The following RAB40C variants were observed in gnomAD, a reference collection of about 807,000 sequenced individuals.
RAB40C encodes the protein ras-related protein Rab-40C.
Under a neutral mutation model 28.1 loss-of-function variants are expected in RAB40C, and 8 were observed. The observed-to-expected ratio is 0.28, with a 90% confidence interval of 0.17 to 0.51. RAB40C has a LOEUF of 0.51. RAB40C is among the 20% of genes least tolerant of loss of function. RAB40C has a pLI of 0.97. For missense variants in RAB40C, 288 were observed against 405.9 expected, an observed-to-expected ratio of 0.71 and a Z score of 2.50; for synonymous variants, 201 against 171.7, an observed-to-expected ratio of 1.17 and a Z score of -1.34.
rs1460058730 is a variant in RAB40C, at chr16:610,301, T to C, written c.143-6907T>C. On this transcript the variant is annotated intron_variant, in intron 1 of 5. Transcript: ENST00000248139. The surrounding 1 kb of genome is among the most constrained non-coding windows in gnomAD (Gnocchi z 4.6). The stretch of plus-strand genomic sequence containing the variant: ...TGTGTCTCATGGGGTTGTGTTCAGG[T>C]CGGCTGAGAGGCAGCGCCTGGCTGG... Among the ~76,000 whole-genome samples, 1 of 152,010 alleles carries C rather than the reference T, an allele frequency of 6.6e-6. No individual in the cohort carries two copies. Among genetic ancestry groups the C allele is most frequent in the Non-Finnish European group, 1.5e-5 (1 of 67,988 alleles).
At chr16:624,098 G>A (rs756634744) in intron 3 of RAB40C, 8 of 985,368 alleles carry the variant, frequency 8.1e-6, no homozygotes, top group Non-Finnish European at 8.4e-6. Flanking sequence ...GTCCCCTGAG[G>A]CTGGACATTT....
At chr16:591,235 G>A (rs2035989537) in intron 1 of RAB40C, among the ~76,000 whole-genome samples, 1 of 150,680 alleles carries the variant, frequency 6.6e-6, no homozygotes, top group African/African-American at 2.5e-5. Flanking sequence ...AGGTGTCATG[G>A]GTCTAGGATC....
In RAB40C at chr16:628,583, C is replaced by G. The variant is rs1166557954; in HGVS notation, c.*961C>G. On this transcript the variant is annotated 3_prime_UTR_variant, in exon 6 of 6. Transcript: ENST00000248139. ...GGGACGTGCCTGGAACCACCTCGTC[C>G]ACGTCCACGTCCACCTGGGGGCCTC... The G allele has an allele frequency of 6.6e-6, 1 of 152,362 alleles. No individual in the cohort carries two copies. Among genetic ancestry groups the G allele is most frequent in the South Asian group, 2.1e-4 (1 of 4,832 alleles). 9.4% of individuals were successfully genotyped at this position (152,362 alleles called of 1,614,324 possible). A position where few individuals can be genotyped will look rare whatever the true frequency, so the allele number is the denominator to read the frequency against.
chr16:593,906 C>T (rs1445911323), intron 1 of RAB40C, among the ~76,000 whole-genome samples: 1 of 152,170 alleles, frequency 6.6e-6, no homozygotes, highest in African/African-American at 2.4e-5. Context: ...GGCGAGTTAC[C>T]CGGCAGGAAT....
At chr16:599,353 G>A (rs1017698256) in intron 1 of RAB40C, among the ~76,000 whole-genome samples, 3 of 152,354 alleles carry the variant, frequency 2.0e-5, no homozygotes, top group Admixed American at 6.5e-5. Flanking sequence ...GTGGCTGCCC[G>A]CAGAGTCTTG....
At chr16:623,476 T>C (rs557227683) in intron 3 of RAB40C, among the ~76,000 whole-genome samples, 44 of 151,708 alleles carry the variant, frequency 2.9e-4, no homozygotes, top group South Asian at 6.3e-4. Context: ...GGTGAAACCC[T>C]GTCTCTACTA....
chr16:622,840 GA>G (rs986544957), intron 3 of RAB40C, among the ~76,000 whole-genome samples: 3 of 152,304 alleles, frequency 2.0e-5, no homozygotes, highest in African/African-American at 4.8e-5. Context: ...ATCAGTTTTA[GA>G]AAACAGAAGG....
chr16:590,383 TG>T lies in RAB40C; in HGVS notation c.94del (p.Glu32ArgfsTer32). On this transcript the variant is annotated frameshift_variant, in exon 1 of 6. Transcript: ENST00000248139. LOFTEE classifies it high-confidence loss of function. ...AGCGACGTGGGCAAGGGCGAGATCC[TG>T]GAGAGCCTGCAGGACGGCGCGGCAG... The part of the protein sequence containing the change: ...GDSDVGKGEI[L>X]ESLQDGAAES... The T allele has an allele frequency of 1.3e-6, 2 of 1,596,472 alleles. No homozygotes were observed. Among genetic ancestry groups the T allele is most frequent in the East Asian group, 2.3e-5 (1 of 43,070 alleles).
intron 3 of RAB40C, among the ~76,000 whole-genome samples, 174 bp downstream of exon 3, chr16:618,434 G>A (rs995136130): frequency 6.6e-6 from 1 of 152,252 alleles, no homozygotes; most frequent in African/African-American, 2.4e-5. Flanking sequence ...CTGTCACCCA[G>A]GCTGGAGTAC....
At chr16:605,417 G>A (rs74953164) in intron 1 of RAB40C, among the ~76,000 whole-genome samples, 2,305 of 152,268 alleles carry the variant, frequency 0.015, 66 homozygotes, top group African/African-American at 0.052. Flanking sequence ...CAGTGAGTGC[G>A]GACAGGCATG....
At chr16:625,269 T>C (rs1277864813) in intron 3 of RAB40C, 163 bp from the exon 4 acceptor site, 2 of 1,452,644 alleles carry the variant, frequency 1.4e-6, no homozygotes, top group Non-Finnish European at 1.8e-6. Flanking sequence ...GGGGCAGGGC[T>C]GCACCAGCTC....
At chr16:619,785 G>A (rs1023708798) in intron 3 of RAB40C, among the ~76,000 whole-genome samples, 8 of 152,244 alleles carry the variant, frequency 5.3e-5, no homozygotes, top group Admixed American at 4.6e-4. Context: ...GCCCAGGTGC[G>A]AGGGGGATGG....
At chr16:604,419 G>A (rs1292561434) in intron 1 of RAB40C, among the ~76,000 whole-genome samples, 4 of 152,184 alleles carry the variant, frequency 2.6e-5, no homozygotes, top group African/African-American at 9.7e-5. Context: ...GAATACACGA[G>A]TCCTTCTGAA....
At chr16:593,416 G>C (rs192350094) in intron 1 of RAB40C, among the ~76,000 whole-genome samples, 1 of 152,380 alleles carries the variant, frequency 6.6e-6, no homozygotes, top group East Asian at 1.9e-4. Flanking sequence ...TCTCTCCTTT[G>C]TTGGGAGGTG....
At chr16:622,665 C>A (rs1346866675) in intron 3 of RAB40C, among the ~76,000 whole-genome samples, 2 of 152,152 alleles carry the variant, frequency 1.3e-5, no homozygotes, top group Non-Finnish European at 2.9e-5. Flanking sequence ...ACCACCGCGT[C>A]CAGCTAATTT....
At chr16:600,117 C>G (rs1239044511) in intron 1 of RAB40C, among the ~76,000 whole-genome samples, 2 of 152,204 alleles carry the variant, frequency 1.3e-5, no homozygotes, top group African/African-American at 4.8e-5. Context: ...TGGTTTGGGA[C>G]TCCCATGGCC....
chr16:625,849 G>A (rs1445222765), intron 4 of RAB40C, 50 bp from the exon 5 acceptor site: 7 of 1,517,120 alleles, frequency 4.6e-6, no homozygotes, highest in Non-Finnish European at 6.3e-6. Context: ...TGCGGCTGAG[G>A]GGTGGGTGGC....
At chr16:603,772 G>A (rs1596403062) in intron 1 of RAB40C, among the ~76,000 whole-genome samples, 1 of 133,014 alleles carries the variant, frequency 7.5e-6, no homozygotes, top group East Asian at 3.4e-4. Flanking sequence ...GCCCTGCCGA[G>A]TCAGCCCCCA....
chr16:625,274 C>T (rs1020914673), intron 3 of RAB40C, 158 bp from the exon 4 acceptor site: 1 of 1,453,380 alleles, frequency 6.9e-7, no homozygotes, highest in Non-Finnish European at 9.1e-7. Flanking sequence ...AGGGCTGCAC[C>T]AGCTCTGCCT....
Sources: allele counts gnomAD v4.1 joint callset (sites outside exome capture counted in the v4.1 genomes callset), GRCh38; gene constraint gnomAD v4.1.1; non-coding constraint Gnocchi (gnomAD v3.1); transcripts MANE v1.5; gene names NCBI Gene and HGNC (gene_info 2026-07-23, HGNC 2026-07-21).